The following TPST2 variants were observed in gnomAD, a reference collection of about 807,000 sequenced individuals.
The protein encoded by TPST2 is tyrosylprotein sulfotransferase 2.
TPST2 carries 16 observed loss-of-function variants against 27.8 expected under a neutral mutation model. That is an observed-to-expected ratio of 0.58 (90% confidence interval 0.39 to 0.88). TPST2 has a LOEUF of 0.88. Ranked by LOEUF, TPST2 falls within the 40% of genes least tolerant of loss-of-function variation. The probability of loss-of-function intolerance (pLI) is 0.00; values close to 1 mark genes in which losing one functional copy is unlikely to be tolerated. For missense variants in TPST2, 464 were observed against 543.1 expected, an observed-to-expected ratio of 0.85 and a Z score of 1.45; for synonymous variants, 229 against 231.7, an observed-to-expected ratio of 0.99 and a Z score of 0.10.
At chr22:26,577,558 C>T (rs1352081808) in intron 1 of TPST2, among the ~76,000 whole-genome samples, 1 of 151,350 alleles carries the variant, frequency 6.6e-6, no homozygotes, top group Non-Finnish European at 1.5e-5. Context: ...ACCGTGTTAG[C>T]CAGGATGGTC....
intron 4 of TPST2, among the ~76,000 whole-genome samples, chr22:26,534,219 T>G (rs1414413647): frequency 1.3e-5 from 2 of 152,168 alleles, no homozygotes; most frequent in Admixed American, 1.3e-4. Flanking sequence ...CTGTGTTTAC[T>G]GAGCCCCAGG....
chr22:26,568,342 C>A (rs1345980756), intron 1 of TPST2, among the ~76,000 whole-genome samples: 2 of 152,222 alleles, frequency 1.3e-5, no homozygotes, highest in African/African-American at 4.8e-5. Context: ...CACAGCAACT[C>A]CATCTCTCCA....
At chr22:26,553,060 C>CA (rs3037016) in intron 1 of TPST2, among the ~76,000 whole-genome samples, 573 of 43,148 alleles carry the variant, frequency 0.013, 25 homozygotes, top group East Asian at 0.038. Context: ...AACTCCATCT[C>CA]AAAAAAAAAA....
intron 1 of TPST2, among the ~76,000 whole-genome samples, chr22:26,545,218 C>T (rs563214726): frequency 1.2e-4 from 18 of 152,326 alleles, no homozygotes; most frequent in African/African-American, 4.3e-4. Flanking sequence ...CACGCAAATA[C>T]CTGTGTCATT....
At position 26,523,235 on chromosome 22, in the gene TPST2, A is replaced by G. The variant is rs1924649795; in HGVS notation, c.*3040T>C. 6.6e-6 allele frequency: 1 copy of G among 152,272 alleles called. No homozygotes were observed. Among genetic ancestry groups the G allele is most frequent in the South Asian group, 2.1e-4 (1 of 4,836 alleles). 9.4% of individuals were successfully genotyped at this position (152,272 alleles called of 1,614,324 possible). Reference sequence around the variant, plus strand: ...CCTCCAGAGCAATCTGTTAAATTACATTTTGGAATAACCTATTCAAAATGG... The same window carrying G: ...CCTCCAGAGCAATCTGTTAAATTACGTTTTGGAATAACCTATTCAAAATGG... On this transcript the variant is annotated 3_prime_UTR_variant, in exon 7 of 7. Coordinates refer to ENST00000338754, the MANE Select transcript of TPST2 (RefSeq NM_003595.5).
intron 2 of TPST2, among the ~76,000 whole-genome samples, chr22:26,542,299 C>A (rs1015544777): frequency 5.3e-5 from 8 of 151,112 alleles, no homozygotes; most frequent in Admixed American, 2.6e-4. Flanking sequence ...TAGCTCACTG[C>A]GGCCTCGGAC....
intron 1 of TPST2, among the ~76,000 whole-genome samples, chr22:26,549,082 A>G (rs1471454278): frequency 6.6e-6 from 1 of 152,194 alleles, no homozygotes; most frequent in African/African-American, 2.4e-5. Flanking sequence ...CCTAGCGCAA[A>G]TGAGAAACTA....
intron 4 of TPST2, among the ~76,000 whole-genome samples, chr22:26,534,055 C>G (rs955270664): frequency 6.6e-6 from 1 of 152,022 alleles, no homozygotes; most frequent in Admixed American, 6.6e-5. Flanking sequence ...TTGTCCTAAG[C>G]CTTCAAAATC....
intron 1 of TPST2, among the ~76,000 whole-genome samples, chr22:26,580,864 T>C (rs1928074504): frequency 6.6e-6 from 1 of 152,114 alleles, no homozygotes; most frequent in Non-Finnish European, 1.5e-5. Flanking sequence ...AGGAAGACTT[T>C]CGCTCTGTGA....
intron 1 of TPST2, among the ~76,000 whole-genome samples, chr22:26,586,102 C>T (rs7284329): frequency 0.33 from 50,648 of 151,864 alleles, 8,945 homozygotes; most frequent in Admixed American, 0.43. Flanking sequence ...GATCCCAAGG[C>T]ACCACCACAT....
intron 1 of TPST2, among the ~76,000 whole-genome samples, chr22:26,574,305 A>T (rs1171651376): frequency 1.3e-5 from 2 of 152,188 alleles, no homozygotes; most frequent in African/African-American, 4.8e-5. Flanking sequence ...TCACCCACAA[A>T]ATAATCATTA....
At chr22:26,542,159 G>A (rs556530345) in intron 2 of TPST2, among the ~76,000 whole-genome samples, 3 of 151,492 alleles carry the variant, frequency 2.0e-5, no homozygotes, top group Admixed American at 1.3e-4. Flanking sequence ...GGAGAATGGC[G>A]TGAACCTGGG....
At chr22:26,527,714 C>T (rs546465703) in intron 6 of TPST2, among the ~76,000 whole-genome samples, 9 of 152,262 alleles carry the variant, frequency 5.9e-5, no homozygotes, top group Middle Eastern at 3.4e-3. Context: ...TCATGTCATC[C>T]GCCTCCCAAG....
chr22:26,535,596 T>C (rs1233016239), intron 4 of TPST2, among the ~76,000 whole-genome samples: 2 of 152,194 alleles, frequency 1.3e-5, no homozygotes, highest in African/African-American at 2.4e-5. Context: ...CTGGGCAACG[T>C]AGCGAGACCC....
chr22:26,555,721 G>A (rs1187622923), intron 1 of TPST2, among the ~76,000 whole-genome samples: 1 of 152,214 alleles, frequency 6.6e-6, no homozygotes, highest in Non-Finnish European at 1.5e-5. Context: ...TTCAGGGCAC[G>A]CTGGAGCACC....
chr22:26,534,203 T>C (rs1670566296), intron 4 of TPST2, among the ~76,000 whole-genome samples: 1 of 152,140 alleles, frequency 6.6e-6, no homozygotes. Context: ...GATGTCCTTT[T>C]AGCCACTGTG....
In TPST2 at chr22:26,537,286, C is replaced by T. The variant is rs576457752; in HGVS notation, c.843-800G>A. ...GGGAGCCAGATTGCCTGGGTTCAGA[C>T]GCCAGCTGTTCCCCAGCTGTGTGGC... On this transcript the variant is annotated intron_variant, in intron 3 of 6. Coordinates refer to ENST00000338754, the MANE Select transcript of TPST2 (RefSeq NM_003595.5). Among the ~76,000 whole-genome samples, 53 of 152,310 alleles carry T rather than the reference C, an allele frequency of 3.5e-4. No homozygotes were observed. The South Asian group carries it at 6.2e-3, about 18-fold the overall frequency.
At chr22:26,553,060 CAAAAAAAAAAA>C (rs3037016) in intron 1 of TPST2, among the ~76,000 whole-genome samples, 9 of 43,204 alleles carry the variant, frequency 2.1e-4, no homozygotes, top group Middle Eastern at 0.017. Context: ...AACTCCATCT[CAAAAAAAAAAA>C]AAAAAAAAAA....
In TPST2 at chr22:26,524,362, A is replaced by T. The variant is rs5761583; in HGVS notation, c.*1913T>A. 43,324 of 150,736 alleles carry T rather than the reference A, an allele frequency of 0.29. 6,892 individuals are homozygous for T. The highest frequency in any genetic ancestry group is 0.44 in the African/African-American group (17,718 of 40,432). 9.3% of individuals were successfully genotyped at this position (150,736 alleles called of 1,614,324 possible). A position where few individuals can be genotyped will look rare whatever the true frequency, so the allele number is the denominator to read the frequency against. ...GTCTCTACAGAAAAAAAAAAATTTA[A>T]AAAGTAGCCAGGTGTGGTGGCACAT... On this transcript the variant is annotated 3_prime_UTR_variant, in exon 7 of 7. Coordinates refer to ENST00000338754, the MANE Select transcript of TPST2 (RefSeq NM_003595.5).
Sources: gnomAD v4.1 joint callset for allele counts (sites outside exome capture counted in the v4.1 genomes callset) on GRCh38, gnomAD v4.1.1 for gene constraint, MANE v1.5 for transcripts, NCBI Gene and HGNC (gene_info 2026-07-23, HGNC 2026-07-21) for gene names.